The following TLL2 variants were observed in gnomAD, a reference collection of about 807,000 sequenced individuals.
The protein encoded by TLL2 is tolloid-like protein 2.
Under a neutral mutation model 123.0 loss-of-function variants are expected in TLL2, and 106 were observed. The observed-to-expected ratio is 0.86, with a 90% CI of 0.74 to 1.01. The LOEUF (loss-of-function observed/expected upper bound fraction) is 1.01. TLL2 is among the 50% of genes least tolerant of loss of function. The probability of loss-of-function intolerance (pLI) is 0.00; values close to 1 mark genes in which losing one functional copy is unlikely to be tolerated. For missense variants in TLL2, 1,332 were observed against 1,336.7 expected, an observed-to-expected ratio of 1.00 and a Z score of 0.06; for synonymous variants, 494 against 516.8, an observed-to-expected ratio of 0.96 and a Z score of 0.60.
At chr10:96,446,277 C>T (rs1182917294) in intron 2 of TLL2, 109 bp from the exon 3 acceptor site, 38 of 994,134 alleles carry the variant, frequency 3.8e-5, no homozygotes, top group East Asian at 1.7e-4. Flanking sequence ...AGAATCACCA[C>T]GGATTCGTAA....
intron 1 of TLL2, among the ~76,000 whole-genome samples, chr10:96,483,288 AGAGTGTGG>A (rs1847328669): frequency 6.6e-6 from 1 of 152,230 alleles, no homozygotes; most frequent in South Asian, 2.1e-4. Context: ...AGGACCTCCC[AGAGTGTGG>A]AGCTCAAAGC....
intron 3 of TLL2, among the ~76,000 whole-genome samples, chr10:96,443,569 T>C (rs554527931): frequency 6.6e-6 from 1 of 152,302 alleles, no homozygotes; most frequent in South Asian, 2.1e-4. Context: ...CTGAACCCAG[T>C]CAACCCCCAG....
At chr10:96,442,233 A>G (rs1846856688) in intron 3 of TLL2, among the ~76,000 whole-genome samples, 1 of 152,090 alleles carries the variant, frequency 6.6e-6, no homozygotes, top group African/African-American at 2.4e-5. Flanking sequence ...GGCTGAGGGG[A>G]GCCACATAAT....
At chr10:96,378,416 GT>G (rs35575259) in intron 17 of TLL2, among the ~76,000 whole-genome samples, 148,462 of 152,358 alleles carry the variant, frequency 0.97, 72,456 homozygotes, top group East Asian at 1. Flanking sequence ...TCCCCACAGT[GT>G]AATGGAGAAT....
intron 2 of TLL2, among the ~76,000 whole-genome samples, chr10:96,465,971 G>C (rs1589429395): frequency 6.6e-6 from 1 of 152,182 alleles, no homozygotes; most frequent in African/African-American, 2.4e-5. Flanking sequence ...AAAGATGTAA[G>C]CACTACAAAA....
chr10:96,440,737 T>C (rs1158727717), intron 3 of TLL2, among the ~76,000 whole-genome samples: 1 of 152,220 alleles, frequency 6.6e-6, no homozygotes. Context: ...GAAGCTAGGG[T>C]GTAATTTCCA....
rs866246864 is a variant in TLL2 at position 96,376,815 on chromosome 10, G to A, written c.2325C>T (p.Gly775=). ...HENGHDCKEA[G]CAHKISSVEG... ...CCACACTGCTGATCTTGTGTGCACA[G>A]CCAGCTGGGGGTGGCAGGGGGACAC... The change falls in exon 18 of 21, where the codon GGC becomes GGT. Residue 775 remains glycine (G), a synonymous_variant. Transcript: ENST00000357947. The A allele has an allele frequency of 6.5e-7, 1 of 1,529,142 alleles. No homozygotes were observed. Among genetic ancestry groups the A allele is most frequent in the Non-Finnish European group, 8.8e-7 (1 of 1,141,748 alleles). 94.7% of individuals were successfully genotyped at this position (1,529,142 alleles called of 1,614,324 possible).
rs186846252 is a variant in TLL2, at chr10:96,393,312, C to T, written c.1726+1875G>A. Among the ~76,000 whole-genome samples, 21 of 152,330 alleles carry T rather than the reference C, an allele frequency of 1.4e-4. No individual in the cohort carries two copies. In the South Asian group the frequency reaches 3.7e-3, roughly 27 times the overall value. ...CAATAGCCAGAAGAAATTGTCGCAT[C>T]GGTTTTTCCAGAAAGAATAACCACT... On this transcript the variant is annotated intron_variant, in intron 13 of 20. Coordinates refer to ENST00000357947, the MANE Select transcript of TLL2 (RefSeq NM_012465.4).
chr10:96,384,680 C>T lies in TLL2; in HGVS notation c.2101G>A (p.Glu701Lys). Reference protein sequence around the residue: ...HGRFCGSETPEVITSQSNNMR... With the variant: ...HGRFCGSETPKVITSQSNNMR... Reference sequence around the variant, plus strand: ...TTGTTGCTCTGCGAGGTGATGACCTCCGGCGTCTCAGAGCCGCAGAACCTG... The same window carrying T: ...TTGTTGCTCTGCGAGGTGATGACCTTCGGCGTCTCAGAGCCGCAGAACCTG... The change falls in exon 16 of 21, where the codon GAG becomes AAG. Residue 701 changes from glutamate to lysine, a missense_variant. By Grantham distance (56) the Glu-to-Lys change is moderately conservative. Transcript: ENST00000357947. 1 of 1,613,090 alleles carries T rather than the reference C, an allele frequency of 6.2e-7. No individual in the cohort carries two copies. The highest frequency in any genetic ancestry group is 8.5e-7 in the Non-Finnish European group (1 of 1,179,328).
chr10:96,498,101 TA>T (rs1455046473), intron 1 of TLL2, among the ~76,000 whole-genome samples: 2 of 152,226 alleles, frequency 1.3e-5, no homozygotes, highest in Non-Finnish European at 2.9e-5. Context: ...GCACATCTCA[TA>T]AGCCCTAATA....
intron 9 of TLL2, among the ~76,000 whole-genome samples, chr10:96,408,698 T>A (rs776199258): frequency 6.6e-6 from 1 of 152,222 alleles, no homozygotes; most frequent in African/African-American, 2.4e-5. Context: ...AAAGGAAGGA[T>A]GTATACATGT....
At chr10:96,396,499 A>C (rs536049874) in intron 11 of TLL2, among the ~76,000 whole-genome samples, 9 of 152,282 alleles carry the variant, frequency 5.9e-5, no homozygotes, top group Non-Finnish European at 1.2e-4. Context: ...CCTCTCTAAA[A>C]TTGTAATAAT....
intron 10 of TLL2, among the ~76,000 whole-genome samples, chr10:96,398,937 T>A (rs1349178203): frequency 4.1e-5 from 6 of 147,668 alleles, no homozygotes; most frequent in Non-Finnish European, 7.4e-5. Flanking sequence ...AATGGCGTGA[T>A]CTCAGCTCAC....
Position 96,476,236 on chromosome 10 carries a change from A to ATTCTTTTTT in TLL2, c.286+4112_286+4113insAAAAAAGAA. 3.9e-4 allele frequency among the ~76,000 whole-genome samples: 8 copies of ATTCTTTTTT among 20,450 alleles called. 1 individual carries two copies. In the South Asian group the frequency reaches 6.4e-3, roughly 16 times the overall value. 13.4% of individuals were successfully genotyped at this position (20,450 alleles called of 152,430 possible). On this transcript the variant is annotated intron_variant, in intron 2 of 20. Coordinates refer to ENST00000357947, the MANE Select transcript of TLL2 (RefSeq NM_012465.4). Reference sequence around the variant, plus strand: ...TAATTTTATATGTATATATATATATATATATTTTATTTTTGTTGTTGTTGT... The same window carrying ATTCTTTTTT: ...TAATTTTATATGTATATATATATATATTCTTTTTTTATATTTTATTTTTGTTGTTGTTGT...
At chr10:96,397,373 G>T in intron 10 of TLL2, 71 bp from the exon 11 acceptor site, 1 of 1,250,636 alleles carries the variant, frequency 8.0e-7, no homozygotes, top group Non-Finnish European at 1.1e-6. Context: ...AGGCTAGGAG[G>T]AAGCTGAGGT....
chr10:96,509,764 G>A (rs565466498), intron 1 of TLL2, among the ~76,000 whole-genome samples: 2 of 152,282 alleles, frequency 1.3e-5, no homozygotes, highest in South Asian at 2.1e-4. Context: ...AGGATAACAC[G>A]GTGAAACCCC....
intron 3 of TLL2, among the ~76,000 whole-genome samples, chr10:96,437,984 A>G (rs1017229558): frequency 2.0e-5 from 3 of 152,182 alleles, no homozygotes; most frequent in African/African-American, 4.8e-5. Flanking sequence ...CTACATGTTT[A>G]TCACTCTGCC....
At chr10:96,449,377 C>A (rs370665041) in intron 2 of TLL2, among the ~76,000 whole-genome samples, 4 of 152,188 alleles carry the variant, frequency 2.6e-5, no homozygotes, top group Non-Finnish European at 4.4e-5. Context: ...CATTGCCCAT[C>A]CAGGAGGTCT....
chr10:96,453,415 C>T lies in TLL2; in HGVS notation c.287-7247G>A, dbSNP rs147706369. On this transcript the variant is annotated intron_variant, in intron 2 of 20. Transcript: ENST00000357947. ...AGGTGGCAGTGAGCTGAGATCACACCACTGCACTCCAGCCTGGATGATGAA... is the reference window on the plus strand; with the variant it reads ...AGGTGGCAGTGAGCTGAGATCACACTACTGCACTCCAGCCTGGATGATGAA... 4.4e-3 allele frequency among the ~76,000 whole-genome samples: 665 copies of T among 152,142 alleles called. 5 individuals carry two copies. The highest frequency in any genetic ancestry group is 0.015 in the African/African-American group (641 of 41,482).
Sources: gnomAD v4.1 joint callset for allele counts (sites outside exome capture counted in the v4.1 genomes callset) on GRCh38, gnomAD v4.1.1 for gene constraint, MANE v1.5 for transcripts, NCBI Gene and HGNC (gene_info 2026-07-23, HGNC 2026-07-21) for gene names.